CNTN1: variants seen among roughly 807,000 people sequenced by gnomAD.
CNTN1 encodes contactin 1, also known as contactin-1.
In CNTN1, 38 loss-of-function variants were observed where a neutral mutation model predicts 126.4. The ratio of observed to expected loss-of-function variants is 0.30; its 90% CI spans 0.23 to 0.39. The LOEUF (loss-of-function observed/expected upper bound fraction) is 0.39, where lower values mean the gene tolerates loss of function less well. CNTN1 is among the 10% of genes least tolerant of loss of function. The pLI is 1.00. For missense variants in CNTN1, 1,009 were observed against 1,248.4 expected, an observed-to-expected ratio of 0.81 and a Z score of 2.89; for synonymous variants, 413 against 422.6, an observed-to-expected ratio of 0.98 and a Z score of 0.28.
intron 1 of CNTN1, among the ~76,000 whole-genome samples, chr12:40,762,482 A>G (rs1938901026): frequency 6.6e-6 from 1 of 152,252 alleles, no homozygotes; most frequent in Non-Finnish European, 1.5e-5. Context: ...ATCCAAAATA[A>G]CAGTATATTT....
At position 40,696,065 on chromosome 12, in the gene CNTN1, T is replaced by A. The variant is rs146438120; in HGVS notation, c.-77+3473T>A. On this transcript the variant is annotated intron_variant, in intron 1 of 23. Coordinates refer to ENST00000551295, the MANE Select transcript of CNTN1 (RefSeq NM_001843.4). The stretch of plus-strand genomic sequence containing the variant: ...CACTTACGTGAGAGGATTTTGTGAT[T>A]TGTAAAATATTAAGTGAGATAATGC... Among the ~76,000 whole-genome samples, 433 of 152,326 alleles carry A rather than the reference T, an allele frequency of 2.8e-3. 1 individual carries two copies. The highest frequency in any genetic ancestry group is 9.2e-3 in the African/African-American group (381 of 41,578).
chr12:40,921,733 A>G (rs1404416971), intron 4 of CNTN1, among the ~76,000 whole-genome samples: 1 of 152,180 alleles, frequency 6.6e-6, no homozygotes, highest in Non-Finnish European at 1.5e-5. Flanking sequence ...GACTTTTATC[A>G]TTTTCAAATT....
chr12:40,809,812 T>TCACACACA lies in CNTN1; in HGVS notation c.-76-98544_-76-98543insACACACAC, dbSNP rs1491201033. 6.5e-3 allele frequency among the ~76,000 whole-genome samples: 275 copies of TCACACACA among 42,110 alleles called. 2 individuals are homozygous for TCACACACA. Among genetic ancestry groups the TCACACACA allele is most frequent in the East Asian group, 0.038 (57 of 1,510 alleles). 27.6% of individuals were successfully genotyped at this position (42,110 alleles called of 152,430 possible). On this transcript the variant is annotated intron_variant, in intron 1 of 23. Transcript: ENST00000551295. ...GCCTGGGCAACAGAGTGAGACTCTG[T>TCACACACA]CTCACACACACACACACACACACAC... is the stretch of plus-strand genomic sequence containing the variant.
chr12:40,842,625 A>G (rs1942329192), intron 1 of CNTN1, among the ~76,000 whole-genome samples: 1 of 152,164 alleles, frequency 6.6e-6, no homozygotes, highest in Non-Finnish European at 1.5e-5. Context: ...TCTGTCAAGC[A>G]AAACTAAATA....
chr12:40,779,394 A>G (rs1331787277), intron 1 of CNTN1, among the ~76,000 whole-genome samples: 1 of 151,870 alleles, frequency 6.6e-6, no homozygotes, highest in Admixed American at 6.6e-5. Context: ...AATTCTACCA[A>G]GGACACTTAT....
In CNTN1 at chr12:40,971,430, G is replaced by A. The variant is rs1275661330; in HGVS notation, c.1805-9479G>A. The A allele has an allele frequency of 3.1e-6, 5 of 1,593,916 alleles. No homozygotes were observed. In the Admixed American group the frequency reaches 6.7e-5, roughly 21 times the overall value. ...CCCTTCAGCCTTGATCTTTCCTCTTGCAGGTAAAAACAGAAAAGGTGGAGA... is the reference window on the plus strand; with the variant it reads ...CCCTTCAGCCTTGATCTTTCCTCTTACAGGTAAAAACAGAAAAGGTGGAGA... On this transcript the variant is annotated intron_variant, in intron 15 of 23. Coordinates refer to ENST00000551295, the MANE Select transcript of CNTN1 (RefSeq NM_001843.4).
rs565337226 is a variant in CNTN1 at position 40,878,056 on chromosome 12, G to GGCAC, written c.-76-30299_-76-30296dup. 4.8e-3 allele frequency among the ~76,000 whole-genome samples: 647 copies of GGCAC among 134,344 alleles called. 6 individuals carry two copies. The highest frequency in any genetic ancestry group is 0.013 in the African/African-American group (474 of 36,878). The allele number at this position is 134,344 out of a possible 152,430, so 88.1% of individuals were successfully genotyped here. A position where few individuals can be genotyped will look rare whatever the true frequency, so the allele number is the denominator to read the frequency against. On this transcript the variant is annotated intron_variant, in intron 1 of 23. Coordinates refer to ENST00000551295, the MANE Select transcript of CNTN1 (RefSeq NM_001843.4). ...CTTGTTGCCCAGGCTGGAGTGCAATGGCACGATCTTGGCTCATAGCAACCT... is the reference window on the plus strand; with the variant it reads ...CTTGTTGCCCAGGCTGGAGTGCAATGGCACGCACGATCTTGGCTCATAGCAACCT...
At chr12:41,016,563 G>A (rs921124785) in intron 18 of CNTN1, 119 bp from the exon 19 acceptor site, 3 of 717,342 alleles carry the variant, frequency 4.2e-6, no homozygotes, top group Non-Finnish European at 7.5e-6. Flanking sequence ...CAGCACTAAT[G>A]TATGAACTGT....
At chr12:40,758,321 G>A (rs1479993067) in intron 1 of CNTN1, among the ~76,000 whole-genome samples, 1 of 150,030 alleles carries the variant, frequency 6.7e-6, no homozygotes, top group African/African-American at 2.5e-5. Flanking sequence ...TAATTTGTTG[G>A]TGTTCTGAGA....
intron 17 of CNTN1, among the ~76,000 whole-genome samples, chr12:41,012,244 G>A (rs1403852168): frequency 1.3e-5 from 2 of 152,154 alleles, no homozygotes; most frequent in African/African-American, 4.8e-5. Context: ...TAGAACAAGG[G>A]CAGGGAGAGA....
chr12:40,723,030 C>A (rs1022159729), intron 1 of CNTN1, among the ~76,000 whole-genome samples: 1 of 152,134 alleles, frequency 6.6e-6, no homozygotes, highest in South Asian at 2.1e-4. Context: ...TACTTAAAAT[C>A]TCTCAGCCTG....
intron 1 of CNTN1, among the ~76,000 whole-genome samples, chr12:40,813,441 A>G (rs926824338): frequency 6.6e-6 from 1 of 151,900 alleles, no homozygotes; most frequent in Non-Finnish European, 1.5e-5. Context: ...GAGAACATGC[A>G]GTGTTTAGTT....
chr12:41,054,808 A>T (rs1353820286), intron 23 of CNTN1, among the ~76,000 whole-genome samples: 1 of 152,064 alleles, frequency 6.6e-6, no homozygotes, highest in Non-Finnish European at 1.5e-5. Flanking sequence ...AATTTGATGA[A>T]TTTTCATTTA....
intron 23 of CNTN1, among the ~76,000 whole-genome samples, chr12:41,056,209 ATATT>A (rs1949797836): frequency 6.6e-6 from 1 of 152,142 alleles, no homozygotes; most frequent in Admixed American, 6.6e-5. Context: ...CAATCATGAA[ATATT>A]TATTTATAAT....
At chr12:41,040,645 G>A (rs1443804047) in intron 23 of CNTN1, among the ~76,000 whole-genome samples, 2 of 152,044 alleles carry the variant, frequency 1.3e-5, no homozygotes, top group Non-Finnish European at 2.9e-5. Flanking sequence ...TTGTAAGTTG[G>A]ATTCCTAGGT....
rs1944456805 is a variant in CNTN1, at chr12:40,897,632, AAATT to A, written c.-76-10717_-76-10714del. Among the ~76,000 whole-genome samples, 8 of 152,196 alleles carry A rather than the reference AAATT, an allele frequency of 5.3e-5. No individual in the cohort carries two copies. The South Asian group carries it at 1.2e-3, about 24-fold the overall frequency. ...ATGTATTGACCCTTGCCCTACTGAC[AAATT>A]AATTAATATTTGATATAAATTCGAA... is the stretch of plus-strand genomic sequence containing the variant. On this transcript the variant is annotated intron_variant, in intron 1 of 23. Transcript: ENST00000551295.
chr12:40,815,134 GTCT>G (rs1460302685), intron 1 of CNTN1, among the ~76,000 whole-genome samples: 1 of 151,970 alleles, frequency 6.6e-6, no homozygotes. Flanking sequence ...GCTATTTGAG[GTCT>G]TCTTAGATTC....
chr12:40,849,912 G>A (rs1033740946), intron 1 of CNTN1, among the ~76,000 whole-genome samples: 3 of 151,684 alleles, frequency 2.0e-5, no homozygotes, highest in African/African-American at 7.3e-5. Context: ...CAGTATATAT[G>A]CATCTCACCA....
intron 23 of CNTN1, among the ~76,000 whole-genome samples, chr12:41,048,427 G>A (rs934938502): frequency 2.6e-5 from 4 of 151,896 alleles, no homozygotes; most frequent in African/African-American, 9.7e-5. Flanking sequence ...TGAAGCAGTC[G>A]ACACCTACAC....
Sources: allele counts gnomAD v4.1 joint callset (sites outside exome capture counted in the v4.1 genomes callset), GRCh38; gene constraint gnomAD v4.1.1; transcripts MANE v1.5; gene names NCBI Gene and HGNC (gene_info 2026-07-23, HGNC 2026-07-21).